SLC45A4: variants seen among roughly 807,000 people sequenced by gnomAD.
The protein encoded by SLC45A4 is polyamine-transporter SLC45A4.
SLC45A4 carries 32 observed loss-of-function variants against 63.7 expected under a neutral mutation model. The observed-to-expected ratio is 0.50, with a 90% CI of 0.38 to 0.67. SLC45A4 has a LOEUF of 0.67. Among genes scored for constraint, SLC45A4 ranks in the 30% least tolerant of loss-of-function variants. The pLI is 0.00. For synonymous variants in SLC45A4, 535 were observed against 510.0 expected (o/e 1.05, Z -0.66); for missense variants, 1,027 against 1,157.7 (o/e 0.89, Z 1.64).
rs962877064 is a variant in SLC45A4, at chr8:141,227,472, G to A, written c.242-5707C>T. Reference sequence around the variant, plus strand: ...TGCTGGGACCAAATGCCACAGTGCGGCGAAACTCGTGAGCACAAGTCCTGC... The same window carrying A: ...TGCTGGGACCAAATGCCACAGTGCGACGAAACTCGTGAGCACAAGTCCTGC... On this transcript the variant is annotated intron_variant, in intron 2 of 8. Transcript: ENST00000517878. This position sits in a 1 kb window ranked among gnomAD's most constrained non-coding sequence, Gnocchi z 4.4. Among the ~76,000 whole-genome samples, 1 of 152,240 alleles carries A rather than the reference G, an allele frequency of 6.6e-6. No individual in the cohort carries two copies. Among genetic ancestry groups the A allele is most frequent in the African/African-American group, 2.4e-5 (1 of 41,468 alleles).
intron 2 of SLC45A4, among the ~76,000 whole-genome samples, chr8:141,239,752 G>T (rs912563183): frequency 1.3e-5 from 2 of 152,192 alleles, no homozygotes; most frequent in East Asian, 3.8e-4. Flanking sequence ...GAGACAACAC[G>T]CTGAGTTCCT....
Position 141,282,079 on chromosome 8 carries a change from C to T in SLC45A4, c.-401+26017G>A, listed in dbSNP as rs942715652. ...TCATCTGGGGAAGCCCAGAGCAAATCGAAGGATGCATGGGAACCTCCTTTG... is the reference window on the plus strand; with the variant it reads ...TCATCTGGGGAAGCCCAGAGCAAATTGAAGGATGCATGGGAACCTCCTTTG... On this transcript the variant is annotated intron_variant, in intron 1 of 8. Transcript: ENST00000517878. Among the ~76,000 whole-genome samples the T allele has an allele frequency of 9.9e-5, 15 of 152,154 alleles. No individual in the cohort carries two copies. In the South Asian group the frequency reaches 1.2e-3, roughly 13 times the overall value.
chr8:141,231,549 C>T (rs1827356295), intron 2 of SLC45A4, among the ~76,000 whole-genome samples: 1 of 152,224 alleles, frequency 6.6e-6, no homozygotes, highest in Non-Finnish European at 1.5e-5. Flanking sequence ...GGGGAGCACC[C>T]AGCAACAGCA....
At position 141,218,354 on chromosome 8, in the gene SLC45A4, T is replaced by C; in HGVS notation, c.1286A>G (p.Tyr429Cys). Residue 429 changes from tyrosine (Y) to cysteine (C), a missense_variant, in exon 5 of 9, where the codon TAC becomes TGC. Coordinates refer to ENST00000517878, the MANE Select transcript of SLC45A4 (RefSeq NM_001286646.2). ...GCAGTGGGACCCAAGCTTGCCGTAGTAGGAGAAGGTGCTGGAGGCCTGCCT... is the reference window on the plus strand; with the variant it reads ...GCAGTGGGACCCAAGCTTGCCGTAGCAGGAGAAGGTGCTGGAGGCCTGCCT... Reference protein sequence around the residue: ...FRRQASSTFSYYGKLGSHCYR... With the variant: ...FRRQASSTFSCYGKLGSHCYR... 1 of 1,608,194 alleles carries C rather than the reference T, an allele frequency of 6.2e-7. No individual in the cohort carries two copies. The highest frequency in any genetic ancestry group is 8.5e-7 in the Non-Finnish European group (1 of 1,179,798).
At chr8:141,286,942 G>A (rs1830171517) in intron 1 of SLC45A4, among the ~76,000 whole-genome samples, 3 of 152,102 alleles carry the variant, frequency 2.0e-5, no homozygotes, top group African/African-American at 7.2e-5. Context: ...CTTGCTGGCG[G>A]CCACGGGGCT....
At position 141,276,631 on chromosome 8, in the gene SLC45A4, C is replaced by T. The variant is rs188522067; in HGVS notation, c.-400-22002G>A. ...TCGGACTCTGCCCCAGTGTCGCCCA[C>T]GCCTCTGCACAGCACTGCACTCACA... On this transcript the variant is annotated intron_variant, in intron 1 of 8. Transcript: ENST00000517878. Among the ~76,000 whole-genome samples, 27 of 152,284 alleles carry T rather than the reference C, an allele frequency of 1.8e-4. No homozygotes were observed. In the South Asian group the frequency reaches 4.4e-3, roughly 25 times the overall value.
At chr8:141,261,582 GACAA>G (rs1444190215) in intron 1 of SLC45A4, among the ~76,000 whole-genome samples, 2 of 152,090 alleles carry the variant, frequency 1.3e-5, no homozygotes, top group African/African-American at 2.4e-5. Flanking sequence ...ACCAATAACA[GACAA>G]ACAGAGAGCC....
At chr8:141,219,211 G>T (rs1312910346) in intron 4 of SLC45A4, among the ~76,000 whole-genome samples, 182 bp from the exon 5 acceptor site, 2 of 152,274 alleles carry the variant, frequency 1.3e-5, no homozygotes, top group African/African-American at 2.4e-5. Context: ...CTGGGTCTGA[G>T]AATTCTGACC....
chr8:141,304,822 A>G (rs1437832427), intron 1 of SLC45A4, among the ~76,000 whole-genome samples: 4 of 152,148 alleles, frequency 2.6e-5, no homozygotes, highest in Non-Finnish European at 5.9e-5. Context: ...CCACTCTATC[A>G]GGGATATGAA....
intron 1 of SLC45A4, among the ~76,000 whole-genome samples, chr8:141,306,142 C>T (rs138668211): frequency 2.0e-5 from 3 of 152,284 alleles, no homozygotes; most frequent in Non-Finnish European, 2.9e-5. Flanking sequence ...CTGCAGCACG[C>T]ATCTCGGCAG....
intron 1 of SLC45A4, among the ~76,000 whole-genome samples, chr8:141,281,627 A>G (rs1829950305): frequency 6.6e-6 from 1 of 152,358 alleles, no homozygotes; most frequent in Non-Finnish European, 1.5e-5. Flanking sequence ...CCTTGGTTCA[A>G]TACATGACAG....
At chr8:141,244,220 T>C (rs1022853944) in intron 2 of SLC45A4, among the ~76,000 whole-genome samples, 7 of 152,210 alleles carry the variant, frequency 4.6e-5, no homozygotes, top group African/African-American at 1.7e-4. Context: ...GCCTCTTCCC[T>C]GCCCTGCCTG....
intron 1 of SLC45A4, among the ~76,000 whole-genome samples, chr8:141,302,457 C>T (rs1830778603): frequency 1.3e-5 from 2 of 151,096 alleles, no homozygotes; most frequent in Non-Finnish European, 1.5e-5. Flanking sequence ...CTTTAGCCTC[C>T]TAAGTAGCTG....
chr8:141,211,483 A>G lies in SLC45A4; in HGVS notation c.*89T>C. 6.2e-7 allele frequency: 1 copy of G among 1,604,890 alleles called. No individual in the cohort carries two copies. Among genetic ancestry groups the G allele is most frequent in the African/African-American group, 1.3e-5 (1 of 74,756 alleles). ...AGGCCCCCCGGACCAGCCTCCTCCC[A>G]GCTTTGGTGTGCGGTCGCTGCCCAA... On this transcript the variant is annotated 3_prime_UTR_variant, in exon 9 of 9. Transcript: ENST00000517878.
In SLC45A4 at chr8:141,247,356, G is replaced by A. The variant is rs546164708; in HGVS notation, c.241+6633C>T. Among the ~76,000 whole-genome samples, 19 of 128,716 alleles carry A rather than the reference G, an allele frequency of 1.5e-4. No individual in the cohort carries two copies. The East Asian group carries it at 2.0e-3, about 14-fold the overall frequency. 84.4% of individuals were successfully genotyped at this position (128,716 alleles called of 152,430 possible). A position where few individuals can be genotyped will look rare whatever the true frequency, so the allele number is the denominator to read the frequency against. On this transcript the variant is annotated intron_variant, in intron 2 of 8. Coordinates refer to ENST00000517878, the MANE Select transcript of SLC45A4 (RefSeq NM_001286646.2). ...CAATGAAATACTTTAAGTATGTGAC[G>A]GACCTACATACTAAAAATTATGAAA...
Position 141,215,671 on chromosome 8 carries a change from C to T in SLC45A4, c.1941+88G>A. 7.2e-7 allele frequency: 1 copy of T among 1,384,156 alleles called. No homozygotes were observed. Among genetic ancestry groups the T allele is most frequent in the South Asian group, 1.2e-5 (1 of 84,394 alleles). 85.7% of individuals were successfully genotyped at this position (1,384,156 alleles called of 1,614,324 possible). A position where few individuals can be genotyped will look rare whatever the true frequency, so the allele number is the denominator to read the frequency against. On this transcript the variant is annotated intron_variant, in intron 7 of 8. Coordinates refer to ENST00000517878, the MANE Select transcript of SLC45A4 (RefSeq NM_001286646.2). The surrounding 1 kb of genome is among the most constrained non-coding windows in gnomAD (Gnocchi z 4.3). ...GAGGGCCATCTGTGTCGTGAACGTC[C>T]CCCCGGGGAAGCACAGGGCTCTGCT...
intron 1 of SLC45A4, among the ~76,000 whole-genome samples, chr8:141,255,944 A>C (rs1430754354): frequency 6.6e-6 from 1 of 152,072 alleles, no homozygotes; most frequent in Non-Finnish European, 1.5e-5. Context: ...GCATGTGCCA[A>C]ACTCTGACTA....
intron 2 of SLC45A4, chr8:141,228,110 T>C (rs2154614222): frequency 6.3e-7 from 1 of 1,597,868 alleles, no homozygotes; most frequent in Admixed American, 1.7e-5. Context: ...CGAGAGGCTG[T>C]GGCTCACCGC....
At chr8:141,288,474 C>T (rs557090557) in intron 1 of SLC45A4, among the ~76,000 whole-genome samples, 1 of 152,264 alleles carries the variant, frequency 6.6e-6, no homozygotes, top group African/African-American at 2.4e-5. Context: ...CTGACCGTGT[C>T]TGATGGGGAC....
Sources: allele counts gnomAD v4.1 joint callset (sites outside exome capture counted in the v4.1 genomes callset), GRCh38; gene constraint gnomAD v4.1.1; non-coding constraint Gnocchi (gnomAD v3.1); transcripts MANE v1.5; gene names NCBI Gene and HGNC (gene_info 2026-07-23, HGNC 2026-07-21).